SEMA3D: variants seen among roughly 807,000 people sequenced by gnomAD.
The protein encoded by SEMA3D is semaphorin-3D.
A neutral mutation model predicts 100.1 loss-of-function variants in SEMA3D; 84 were observed. The ratio of observed to expected loss-of-function variants is 0.84; its 90% CI spans 0.70 to 1.01. The LOEUF (loss-of-function observed/expected upper bound fraction) is 1.01. SEMA3D is among the 50% of genes least tolerant of loss of function. The probability of loss-of-function intolerance (pLI) is 0.00; values close to 1 mark genes in which losing one functional copy is unlikely to be tolerated. For missense variants in SEMA3D, 875 were observed against 934.1 expected, an observed-to-expected ratio of 0.94 and a Z score of 0.82; for synonymous variants, 312 against 320.7, an observed-to-expected ratio of 0.97 and a Z score of 0.29.
intron 2 of SEMA3D, among the ~76,000 whole-genome samples, chr7:85,127,705 C>A (rs1219062532): frequency 6.6e-6 from 1 of 152,094 alleles, no homozygotes; most frequent in Non-Finnish European, 1.5e-5. Flanking sequence ...AATCTCAAAT[C>A]AATTTGCTCT....
rs567158249 is a variant in SEMA3D, at chr7:85,029,730, T to C, written c.1192-7117A>G. ...ACTATAGATGTAGCATTCTTCTACA[T>C]AGTTAAAACACCGAAGAACCCAAAT... On this transcript the variant is annotated intron_variant, in intron 12 of 18. Transcript: ENST00000284136. 2.4e-4 allele frequency: 65 copies of C among 273,340 alleles called. 2 individuals carry two copies. In the South Asian group the frequency reaches 2.5e-3, roughly 11 times the overall value. The allele number at this position is 273,340 out of a possible 1,614,324, so 16.9% of individuals were successfully genotyped here. A position where few individuals can be genotyped will look rare whatever the true frequency, so the allele number is the denominator to read the frequency against.
chr7:85,126,319 A>G (rs1789562613), intron 2 of SEMA3D, among the ~76,000 whole-genome samples: 1 of 151,746 alleles, frequency 6.6e-6, no homozygotes, highest in Admixed American at 6.6e-5. Context: ...CAATGATTAA[A>G]ATATGTAAGT....
chr7:85,026,049 T>C (rs1243377143), intron 12 of SEMA3D, among the ~76,000 whole-genome samples: 2 of 152,022 alleles, frequency 1.3e-5, no homozygotes, highest in African/African-American at 2.4e-5. Context: ...GTTAATTCCT[T>C]TTGGAAGCCC....
At chr7:85,201,154 TG>T in the SEMA3D span, among the ~76,000 whole-genome samples, 1 of 152,196 alleles carries the variant, frequency 6.6e-6, no homozygotes, top group Non-Finnish European at 1.5e-5. Context: ...AAACGATTAA[TG>T]GGTCTTCTGA....
chr7:85,197,479 C>T, the SEMA3D span, among the ~76,000 whole-genome samples: 4 of 151,984 alleles, frequency 2.6e-5, no homozygotes, highest in Admixed American at 2.0e-4. Flanking sequence ...CCCCACCACC[C>T]CTGCTTTGAG....
At chr7:85,082,345 T>G (rs142748125) in intron 4 of SEMA3D, among the ~76,000 whole-genome samples, 136 of 152,302 alleles carry the variant, frequency 8.9e-4, no homozygotes, top group African/African-American at 3.1e-3. Context: ...CGATCTTGAG[T>G]TCAAGGCTTT....
At chr7:85,104,672 A>G (rs1788856931) in intron 3 of SEMA3D, among the ~76,000 whole-genome samples, 1 of 151,924 alleles carries the variant, frequency 6.6e-6, no homozygotes, top group Non-Finnish European at 1.5e-5. Flanking sequence ...TCAGTATTTG[A>G]GTGTTAAATG....
chr7:85,237,847 C>T, the SEMA3D span, among the ~76,000 whole-genome samples: 14 of 152,128 alleles, frequency 9.2e-5, no homozygotes, highest in South Asian at 2.1e-4. Context: ...TAAGAAACCA[C>T]AATTCCAAGG....
intron 2 of SEMA3D, among the ~76,000 whole-genome samples, chr7:85,134,327 T>C (rs1789800780): frequency 6.6e-6 from 1 of 152,012 alleles, no homozygotes; most frequent in Admixed American, 6.6e-5. Flanking sequence ...TGCTTAGAAA[T>C]GGTTTTGACA....
At chr7:85,081,713 T>A in intron 4 of SEMA3D, 134 bp from the exon 5 acceptor site, 1 of 626,174 alleles carries the variant, frequency 1.6e-6, no homozygotes. Context: ...ATGTGGGAAA[T>A]TTGAGATTTA....
chr7:85,022,280 TA>T (rs1790275781), intron 13 of SEMA3D, 110 bp downstream of exon 13: 2 of 714,410 alleles, frequency 2.8e-6, no homozygotes, highest in Admixed American at 4.5e-5. Context: ...AGGTTTTATC[TA>T]ATAATTACTC....
intron 1 of SEMA3D, chr7:85,167,186 C>A: frequency 1.3e-6 from 1 of 742,008 alleles, no homozygotes; most frequent in Non-Finnish European, 1.6e-6. Flanking sequence ...GCTATATCAA[C>A]TACATTGAAA....
chr7:85,086,327 TAAAG>T lies in SEMA3D; in HGVS notation c.313-4752_313-4749del, dbSNP rs770368699. Among the ~76,000 whole-genome samples the T allele has an allele frequency of 6.6e-5, 10 of 152,188 alleles. No homozygotes were observed. In the East Asian group the frequency reaches 7.7e-4, roughly 12 times the overall value. ...TTTTTCTTACATACTACCTAGTCAT[TAAAG>T]AGATTTTTTTTAAATATTCATTTTT... On this transcript the variant is annotated intron_variant, in intron 4 of 18. Transcript: ENST00000284136.
intron 4 of SEMA3D, among the ~76,000 whole-genome samples, chr7:85,092,431 A>G (rs1293203505): frequency 6.6e-6 from 1 of 152,006 alleles, no homozygotes; most frequent in East Asian, 1.9e-4. Flanking sequence ...AGAAGGGCAA[A>G]AGAAAAAAAT....
chr7:85,126,410 T>TGTGTC (rs1562828165), intron 2 of SEMA3D, among the ~76,000 whole-genome samples: 15 of 132,768 alleles, frequency 1.1e-4, no homozygotes, highest in African/African-American at 3.0e-4. Flanking sequence ...GTGTCGTGTG[T>TGTGTC]GTGTGTGTGT....
At chr7:85,074,145 T>C (rs1296907731) in intron 5 of SEMA3D, among the ~76,000 whole-genome samples, 1 of 152,178 alleles carries the variant, frequency 6.6e-6, no homozygotes, top group Non-Finnish European at 1.5e-5. Context: ...AGCAGACTTT[T>C]ATTCTAGGTT....
At chr7:85,245,257 C>T in the SEMA3D span, among the ~76,000 whole-genome samples, 9 of 152,064 alleles carry the variant, frequency 5.9e-5, no homozygotes, top group South Asian at 8.3e-4. Context: ...CAATATAGAA[C>T]GGGAATGATT....
chr7:85,195,832 T>A, the SEMA3D span, among the ~76,000 whole-genome samples: 1 of 152,202 alleles, frequency 6.6e-6, no homozygotes, highest in Non-Finnish European at 1.5e-5. Flanking sequence ...AATTTTGAGA[T>A]ACTGCTAGGC....
Position 85,005,554 on chromosome 7 carries a change from G to T in SEMA3D, c.1908+1248C>A, listed in dbSNP as rs113827396. On this transcript the variant is annotated intron_variant, in intron 18 of 18. Coordinates refer to ENST00000284136, the MANE Select transcript of SEMA3D (RefSeq NM_001384900.1). ...TATTCTTGTAGCTGTCAGATGAAGA[G>T]AATTATATTAAATTCTTCATGTAAC... Among the ~76,000 whole-genome samples, 7 of 152,116 alleles carry T rather than the reference G, an allele frequency of 4.6e-5. 1 individual carries two copies. Among genetic ancestry groups the T allele is most frequent in the African/African-American group, 1.4e-4 (6 of 41,534 alleles).
Sources: gnomAD v4.1 joint callset for allele counts (sites outside exome capture counted in the v4.1 genomes callset) on GRCh38, gnomAD v4.1.1 for gene constraint, MANE v1.5 for transcripts, NCBI Gene and HGNC (gene_info 2026-07-23, HGNC 2026-07-21) for gene names.